GPR25: variants seen among roughly 807,000 people sequenced by gnomAD.
The protein encoded by GPR25 is C-X-C chemokine receptor GPR25.
For missense variants in GPR25, 501 were observed against 503.0 expected, an observed-to-expected ratio of 1.00 and a Z score of 0.04; for synonymous variants, 280 against 264.9, an observed-to-expected ratio of 1.06 and a Z score of -0.55.
At position 200,873,388 on chromosome 1, in the gene GPR25, C is replaced by T; in HGVS notation, c.351C>T (p.Phe117=). The T allele has an allele frequency of 6.7e-7, 1 of 1,491,946 alleles. No individual in the cohort carries two copies. Among genetic ancestry groups the T allele is most frequent in the Non-Finnish European group, 8.8e-7 (1 of 1,130,768 alleles). The allele number at this position is 1,491,946 out of a possible 1,614,324, so 92.4% of individuals were successfully genotyped here. A position where few individuals can be genotyped will look rare whatever the true frequency, so the allele number is the denominator to read the frequency against. ...FGDGLCKLSS[F]ALAGTRCAGA... ...ATGGCCTCTGCAAGCTCAGCAGCTTCGCGCTGGCGGGCACGCGCTGCGCGG... is the reference window on the plus strand; with the variant it reads ...ATGGCCTCTGCAAGCTCAGCAGCTTTGCGCTGGCGGGCACGCGCTGCGCGG... Residue 117 remains phenylalanine, a synonymous_variant, in exon 1 of 1, where the codon TTC becomes TTT. Transcript: ENST00000304244.
At position 200,873,650 on chromosome 1, in the gene GPR25, C is replaced by G; in HGVS notation, c.613C>G (p.Leu205Val). Reference sequence around the variant, plus strand: ...CCACGCCTTCCAGGGCCTCAGCTTGCTGCTGCTGCTGCTGACCTTCGTGCT... The same window carrying G: ...CCACGCCTTCCAGGGCCTCAGCTTGGTGCTGCTGCTGCTGACCTTCGTGCT... ...PSHAFQGLSL[L>V]LLLLTFVLPL... The change falls in exon 1 of 1, where the codon CTG becomes GTG. Residue 205 changes from leucine (L) to valine (V), a missense_variant. Transcript: ENST00000304244. 1 of 1,553,270 alleles carries G rather than the reference C, an allele frequency of 6.4e-7. No homozygotes were observed. Among genetic ancestry groups the G allele is most frequent in the Non-Finnish European group, 8.7e-7 (1 of 1,146,900 alleles).
Position 200,873,972 on chromosome 1 carries a change from G to A in GPR25, c.935G>A (p.Arg312His). The A allele has an allele frequency of 6.2e-7, 1 of 1,612,188 alleles. No homozygotes were observed. The highest frequency in any genetic ancestry group is 1.3e-5 in the African/African-American group (1 of 75,046). ...ANPLIYLLLD[R>H]SFRARALDGA... The stretch of plus-strand genomic sequence containing the variant: ...CCGCTCATCTACCTCCTGCTGGACC[G>A]CTCATTCCGAGCCCGGGCGCTGGAC... Residue 312 changes from arginine to histidine, a missense_variant, in exon 1 of 1, where the codon CGC becomes CAC. Arg to His is a conservative substitution (Grantham distance 29). Coordinates refer to ENST00000304244, the MANE Select transcript of GPR25 (RefSeq NM_005298.4).
chr1:200,873,453 T>C lies in GPR25; in HGVS notation c.416T>C (p.Leu139Pro). The C allele has an allele frequency of 6.4e-7, 1 of 1,557,614 alleles. No homozygotes were observed. The highest frequency in any genetic ancestry group is 1.9e-4 in the Middle Eastern group (1 of 5,132). Residue 139 changes from leucine to proline, a missense_variant, in exon 1 of 1, where the codon CTG becomes CCG. Coordinates refer to ENST00000304244, the MANE Select transcript of GPR25 (RefSeq NM_005298.4). The stretch of plus-strand genomic sequence containing the variant: ...GCGGGCATGAGCGTGGACCGCTACC[T>C]GGCCGTGGTGAAGCTGCTCGAGGCG... ...LLAGMSVDRY[L>P]AVVKLLEARP...
rs751452046 is a variant in GPR25, at chr1:200,874,029, G to T, written c.992G>T (p.Arg331Leu). The change falls in exon 1 of 1, where the codon CGA (arginine) becomes CTA (leucine). Residue 331 changes from arginine to leucine, a missense_variant. Physicochemically the swap from Arg to Leu is moderately radical, Grantham distance 102. Coordinates refer to ENST00000304244, the MANE Select transcript of GPR25 (RefSeq NM_005298.4). ...GACGRTGRLA[R>L]RISSASSLSR... Reference sequence around the variant, plus strand: ...TGCGGGCGCACCGGCCGCCTGGCGCGAAGGATCAGCTCAGCCTCCTCGCTC... The same window carrying T: ...TGCGGGCGCACCGGCCGCCTGGCGCTAAGGATCAGCTCAGCCTCCTCGCTC... 2 of 1,611,350 alleles carry T rather than the reference G, an allele frequency of 1.2e-6. No individual in the cohort carries two copies. The highest frequency in any genetic ancestry group is 2.7e-5 in the African/African-American group (2 of 75,042).
In GPR25 at chr1:200,873,201, T is replaced by C; in HGVS notation, c.164T>C (p.Leu55Pro). The change falls in exon 1 of 1, where the codon CTG (leucine) becomes CCG (proline). Residue 55 changes from leucine (L) to proline (P), a missense_variant. Leu to Pro is a moderately conservative substitution (Grantham distance 98). Coordinates refer to ENST00000304244, the MANE Select transcript of GPR25 (RefSeq NM_005298.4). Reference sequence around the variant, plus strand: ...CTGGCGGCCTTCGCCGTGGGCCTGCTGGGCAACGCCTTTGTGGTGTGGCTG... The same window carrying C: ...CTGGCGGCCTTCGCCGTGGGCCTGCCGGGCAACGCCTTTGTGGTGTGGCTG... ...LYLAAFAVGL[L>P]GNAFVVWLLA... 4 of 1,606,138 alleles carry C rather than the reference T, an allele frequency of 2.5e-6. No homozygotes were observed. The highest frequency in any genetic ancestry group is 2.2e-5 in the South Asian group (2 of 90,422).
At position 200,873,620 on chromosome 1, in the gene GPR25, C is replaced by A. The variant is rs942830979; in HGVS notation, c.583C>A (p.Pro195Thr). 6.3e-7 allele frequency: 1 copy of A among 1,595,860 alleles called. No individual in the cohort carries two copies. Residue 195 changes from proline (P) to threonine (T), a missense_variant, in exon 1 of 1, where the codon CCC becomes ACC. By Grantham distance (38) the Pro-to-Thr change is conservative. Transcript: ENST00000304244. ...GGQDSQCGEE[P>T]SHAFQGLSLL... ...CCAGGACAGCCAGTGCGGCGAGGAGCCCTCCCACGCCTTCCAGGGCCTCAG... is the reference window on the plus strand; with the variant it reads ...CCAGGACAGCCAGTGCGGCGAGGAGACCTCCCACGCCTTCCAGGGCCTCAG...
Position 200,873,422 on chromosome 1 carries a change from C to T in GPR25, c.385C>T (p.Leu129=), listed in dbSNP as rs919971689. 3 of 1,513,256 alleles carry T rather than the reference C, an allele frequency of 2.0e-6. No individual in the cohort carries two copies. Among genetic ancestry groups the T allele is most frequent in the African/African-American group, 1.4e-5 (1 of 69,390 alleles). The allele number at this position is 1,513,256 out of a possible 1,614,324, so 93.7% of individuals were successfully genotyped here. The change falls in exon 1 of 1, where the codon CTG becomes TTG. Residue 129 remains leucine, a synonymous_variant. Transcript: ENST00000304244. ...LAGTRCAGAL[L]LAGMSVDRYL... ...GGGCACGCGCTGCGCGGGCGCGCTG[C>T]TGCTGGCGGGCATGAGCGTGGACCG...
chr1:200,873,218 G>A lies in GPR25; in HGVS notation c.181G>A (p.Val61Met). 6.2e-7 allele frequency: 1 copy of A among 1,602,832 alleles called. No individual in the cohort carries two copies. The highest frequency in any genetic ancestry group is 8.5e-7 in the Non-Finnish European group (1 of 1,177,404). Residue 61 changes from valine to methionine, a missense_variant, in exon 1 of 1, where the codon GTG becomes ATG. By Grantham distance (21) the Val-to-Met change is conservative. Coordinates refer to ENST00000304244, the MANE Select transcript of GPR25 (RefSeq NM_005298.4). ...AVGLLGNAFV[V>M]WLLAGRRGPR... ...GGGCCTGCTGGGCAACGCCTTTGTG[G>A]TGTGGCTGCTGGCCGGGCGGCGGGG...
In GPR25 at chr1:200,874,027, G is replaced by C. The variant is rs763977104; in HGVS notation, c.990G>C (p.Ala330=). 6.2e-7 allele frequency: 1 copy of C among 1,611,376 alleles called. No homozygotes were observed. Among genetic ancestry groups the C allele is most frequent in the Non-Finnish European group, 8.5e-7 (1 of 1,179,258 alleles). ...DGACGRTGRL[A]RRISSASSLS... ...CCTGCGGGCGCACCGGCCGCCTGGC[G>C]CGAAGGATCAGCTCAGCCTCCTCGC... The change falls in exon 1 of 1, where the codon GCG becomes GCC. Residue 330 remains alanine, a synonymous_variant. Transcript: ENST00000304244.
In GPR25 at chr1:200,873,043, C is replaced by G; in HGVS notation, c.6C>G (p.Ala2=). The change falls in exon 1 of 1, where the codon GCC becomes GCG. Residue 2 remains alanine, a synonymous_variant. Coordinates refer to ENST00000304244, the MANE Select transcript of GPR25 (RefSeq NM_005298.4). M[A]PTEPWSPSPG... is the part of the protein sequence containing the mutation. ...GCAGGCCTCATAGCCAGGCCATGGC[C>G]CCCACAGAGCCCTGGAGCCCCAGCC... The G allele has an allele frequency of 6.5e-7, 1 of 1,542,066 alleles. No individual in the cohort carries two copies. Among genetic ancestry groups the G allele is most frequent in the Non-Finnish European group, 8.7e-7 (1 of 1,148,166 alleles).
At position 200,874,030 on chromosome 1, in the gene GPR25, A is replaced by G. The variant is rs761606880; in HGVS notation, c.993A>G (p.Arg331=). Residue 331 remains arginine, a synonymous_variant, in exon 1 of 1, where the codon CGA becomes CGG. Transcript: ENST00000304244. ...GACGRTGRLA[R]RISSASSLSR... is the part of the protein sequence containing the mutation. ...GCGGGCGCACCGGCCGCCTGGCGCG[A>G]AGGATCAGCTCAGCCTCCTCGCTCT... is the stretch of plus-strand genomic sequence containing the variant. The G allele has an allele frequency of 1.2e-6, 2 of 1,611,372 alleles. No individual in the cohort carries two copies. The highest frequency in any genetic ancestry group is 4.5e-5 in the East Asian group (2 of 44,856).
chr1:200,873,552 T>C lies in GPR25; in HGVS notation c.515T>C (p.Leu172Pro). The C allele has an allele frequency of 6.4e-7, 1 of 1,568,888 alleles. No individual in the cohort carries two copies. The stretch of plus-strand genomic sequence containing the variant: ...TGGGCCGTGGCGCTGCTGGCCGGCC[T>C]GCCCTCCCTGGTCTACCGGGGGTTG... ...GVWAVALLAG[L>P]PSLVYRGLQP... is the part of the protein sequence containing the mutation. The change falls in exon 1 of 1, where the codon CTG becomes CCG. Residue 172 changes from leucine (L) to proline (P), a missense_variant. Transcript: ENST00000304244.
At position 200,873,999 on chromosome 1, in the gene GPR25, G is replaced by C. The variant is rs140797590; in HGVS notation, c.962G>C (p.Gly321Ala). 6.6e-4 allele frequency: 1,059 copies of C among 1,611,898 alleles called. 6 individuals are homozygous for C. In the African/African-American group the frequency reaches 9.2e-3, roughly 14 times the overall value. Residue 321 changes from glycine (G) to alanine (A), a missense_variant, in exon 1 of 1, where the codon GGG becomes GCG. Physicochemically the swap from Gly to Ala is moderately conservative, Grantham distance 60. Transcript: ENST00000304244. The part of the protein sequence containing the change: ...DRSFRARALD[G>A]ACGRTGRLAR... ...TCATTCCGAGCCCGGGCGCTGGACG[G>C]GGCCTGCGGGCGCACCGGCCGCCTG...
At position 200,873,518 on chromosome 1, in the gene GPR25, T is replaced by G; in HGVS notation, c.481T>G (p.Cys161Gly). Reference protein sequence around the residue: ...RTPRCALASCCGVWAVALLAG... With the variant: ...RTPRCALASCGGVWAVALLAG... ...CCCGCGCTGCGCGCTGGCCTCGTGC[T>G]GCGGCGTCTGGGCCGTGGCGCTGCT... Residue 161 changes from cysteine (C) to glycine (G), a missense_variant, in exon 1 of 1, where the codon TGC becomes GGC. Cys to Gly is a radical substitution (Grantham distance 159, BLOSUM62 -3). Transcript: ENST00000304244. 6.4e-7 allele frequency: 1 copy of G among 1,560,336 alleles called. No individual in the cohort carries two copies. Among genetic ancestry groups the G allele is most frequent in the Non-Finnish European group, 8.6e-7 (1 of 1,161,840 alleles).
At position 200,873,881 on chromosome 1, in the gene GPR25, C is replaced by G. The variant is rs1668006671; in HGVS notation, c.844C>G (p.Leu282Val). 2.5e-6 allele frequency: 4 copies of G among 1,607,410 alleles called. No individual in the cohort carries two copies. The highest frequency in any genetic ancestry group is 3.4e-6 in the Non-Finnish European group (4 of 1,178,666). The stretch of plus-strand genomic sequence containing the variant: ...GGCGCTGCCGCTGCCGTGCCCCCTG[C>G]TGCTGGCGCTGCGCTGGGGCCTCAC... Reference protein sequence around the residue: ...LGALPLPCPLLLALRWGLTIA... With the variant: ...LGALPLPCPLVLALRWGLTIA... Residue 282 changes from leucine to valine, a missense_variant, in exon 1 of 1, where the codon CTG becomes GTG. Leu to Val is a conservative substitution (Grantham distance 32). Transcript: ENST00000304244.
chr1:200,873,726 G>C lies in GPR25; in HGVS notation c.689G>C (p.Arg230Pro), dbSNP rs776988874. The change falls in exon 1 of 1, where the codon CGA becomes CCA. Residue 230 changes from arginine (R) to proline (P), a missense_variant. By Grantham distance (103) the Arg-to-Pro change is moderately radical (BLOSUM62 -2). Transcript: ENST00000304244. ...TACTGCCGCATCTCGCGCCGCCTGC[G>C]ACGGCCGCCGCACGTGGGTCGGGCC... The part of the protein sequence containing the change: ...FCYCRISRRL[R>P]RPPHVGRARR... The C allele has an allele frequency of 6.3e-7, 1 of 1,597,650 alleles. No homozygotes were observed.
Position 200,873,746 on chromosome 1 carries a change from C to T in GPR25, c.709C>T (p.Arg237Trp). The T allele has an allele frequency of 6.3e-7, 1 of 1,598,230 alleles. No homozygotes were observed. Residue 237 changes from arginine to tryptophan, a missense_variant, in exon 1 of 1, where the codon CGG becomes TGG. By Grantham distance (101) the Arg-to-Trp change is moderately radical. Coordinates refer to ENST00000304244, the MANE Select transcript of GPR25 (RefSeq NM_005298.4). ...RRLRRPPHVG[R>W]ARRNSLRIIF... ...CCTGCGACGGCCGCCGCACGTGGGT[C>T]GGGCCCGGAGGAACTCGCTGCGCAT...
At position 200,874,118 on chromosome 1, in the gene GPR25, T is replaced by C. The variant is rs1238301315; in HGVS notation, c.1081T>C (p.Trp361Arg). 1.3e-6 allele frequency: 2 copies of C among 1,541,896 alleles called. No homozygotes were observed. The highest frequency in any genetic ancestry group is 3.9e-5 in the Admixed American group (2 of 51,778). The stretch of plus-strand genomic sequence containing the variant: ...GGCCGCGAACACTGCCTCGGCCTCC[T>C]GGTAGCTGCCCCGGGCCGCTGGAGG... ...AQAANTASASW is the reference protein window; with the variant it reads ...AQAANTASASR The change falls in exon 1 of 1, where the codon TGG (tryptophan) becomes CGG (arginine). Residue 361 changes from tryptophan to arginine, a missense_variant. Coordinates refer to ENST00000304244, the MANE Select transcript of GPR25 (RefSeq NM_005298.4).
Position 200,873,887 on chromosome 1 carries a change from G to T in GPR25, c.850G>T (p.Ala284Ser), listed in dbSNP as rs769140415. ...ALPLPCPLLLALRWGLTIATC... is the reference protein window; with the variant it reads ...ALPLPCPLLLSLRWGLTIATC... ...GCCGCTGCCGTGCCCCCTGCTGCTG[G>T]CGCTGCGCTGGGGCCTCACCATTGC... The change falls in exon 1 of 1, where the codon GCG becomes TCG. Residue 284 changes from alanine to serine, a missense_variant. Coordinates refer to ENST00000304244, the MANE Select transcript of GPR25 (RefSeq NM_005298.4). The T allele has an allele frequency of 1.2e-6, 2 of 1,607,920 alleles. No homozygotes were observed. Among genetic ancestry groups the T allele is most frequent in the Non-Finnish European group, 1.7e-6 (2 of 1,178,690 alleles).
Sources: gnomAD v4.1 joint callset for allele counts on GRCh38, gnomAD v4.1.1 for gene constraint, MANE v1.5 for transcripts, NCBI Gene and HGNC (gene_info 2026-07-23, HGNC 2026-07-21) for gene names.